CSRP1: variants seen among roughly 807,000 people sequenced by gnomAD.
CSRP1 encodes the protein cysteine and glycine-rich protein 1.
Under a neutral mutation model 25.4 loss-of-function variants are expected in CSRP1, and 16 were observed. The ratio of observed to expected loss-of-function variants is 0.63; its 90% confidence interval spans 0.43 to 0.96. The LOEUF (loss-of-function observed/expected upper bound fraction) is 0.96. Among genes scored for constraint, CSRP1 ranks in the 40% least tolerant of loss-of-function variants. The pLI, the probability that CSRP1 is intolerant of heterozygous loss-of-function variation, is 0.00. For synonymous variants in CSRP1, 97 were observed against 95.3 expected, an observed-to-expected ratio of 1.02 and a Z score of -0.10; for missense variants, 212 against 243.6, an observed-to-expected ratio of 0.87 and a Z score of 0.86.
intron 2 of CSRP1, chr1:201,492,768 G>A (rs1387824271): frequency 6.6e-6 from 1 of 152,298 alleles, no homozygotes; most frequent in East Asian, 1.9e-4. Context: ...GGCCAGGCCA[G>A]AACCCAGCCC....
chr1:201,490,054 A>T, intron 3 of CSRP1, 122 bp downstream of exon 3: 1 of 1,004,206 alleles, frequency 1.0e-6, no homozygotes, highest in Non-Finnish European at 1.4e-6. Flanking sequence ...ACTGCCTTTT[A>T]AATAACTGGT....
intron 4 of CSRP1, chr1:201,487,622 G>A (rs1418290835): frequency 1.3e-5 from 2 of 152,174 alleles, no homozygotes; most frequent in African/African-American, 4.8e-5. Context: ...CTTAATCACC[G>A]TGCTAGGATC....
intron 4 of CSRP1, chr1:201,488,564 G>A (rs912146319): frequency 2.3e-5 from 5 of 219,104 alleles, no homozygotes; most frequent in East Asian, 2.0e-4. Flanking sequence ...GCCCATCCAC[G>A]TACCCTTACT....
chr1:201,500,654 C>T (rs573121924), intron 1 of CSRP1, among the ~76,000 whole-genome samples: 1 of 152,366 alleles, frequency 6.6e-6, no homozygotes, highest in Admixed American at 6.5e-5. Context: ...AGGTCCTGTC[C>T]CCCTCTGCCC....
At chr1:201,496,541 AT>A in intron 1 of CSRP1, 1 of 550,778 alleles carries the variant, frequency 1.8e-6, no homozygotes, top group Non-Finnish European at 3.3e-6. Context: ...CAGCTGCTGC[AT>A]TTTCAGCCCT....
chr1:201,485,693 G>C (rs1664113346), intron 4 of CSRP1: 1 of 353,450 alleles, frequency 2.8e-6, no homozygotes, highest in Non-Finnish European at 5.4e-6. Context: ...GGCTGGGCCA[G>C]ATGAGCCTTC....
intron 4 of CSRP1, 36 bp downstream of exon 4, chr1:201,488,819 T>TC (rs1664232617): frequency 1.9e-6 from 3 of 1,604,386 alleles, no homozygotes; most frequent in Non-Finnish European, 2.6e-6. Context: ...GGAAGATATC[T>TC]CCCCCCATCC....
chr1:201,488,824 C>T lies in CSRP1; in HGVS notation c.411+31G>A, dbSNP rs367915083. ...CCACATTTCAGGAAGATATCTCCCC[C>T]CATCCCTCTCATGCCCAGCAGCCAC... On this transcript the variant is annotated intron_variant, in intron 4 of 5. Transcript: ENST00000340006. 3.7e-6 allele frequency: 6 copies of T among 1,608,604 alleles called. No individual in the cohort carries two copies. The South Asian group carries it at 5.5e-5, about 15-fold the overall frequency.
chr1:201,485,558 A>AT, intron 4 of CSRP1, 182 bp from the exon 5 acceptor site: 5 of 591,020 alleles, frequency 8.5e-6, no homozygotes, highest in South Asian at 6.1e-5. Flanking sequence ...AAGGCCAGGG[A>AT]CCACACGCCA....
At position 201,484,523 on chromosome 1, in the gene CSRP1, G is replaced by A; in HGVS notation, c.*190C>T. 1 of 608,588 alleles carries A rather than the reference G, an allele frequency of 1.6e-6. No homozygotes were observed. Among genetic ancestry groups the A allele is most frequent in the Non-Finnish European group, 2.9e-6 (1 of 339,918 alleles). 37.7% of individuals were successfully genotyped at this position (608,588 alleles called of 1,614,324 possible). A position where few individuals can be genotyped will look rare whatever the true frequency, so the allele number is the denominator to read the frequency against. On this transcript the variant is annotated 3_prime_UTR_variant, in exon 6 of 6. Transcript: ENST00000340006. ...TGATGGTGTCAGATCCCAGGCCTGG[G>A]GAGCCCTTTAGTGGGGTGGGACCTC...
At chr1:201,505,784 G>A (rs1664808662) in intron 1 of CSRP1, among the ~76,000 whole-genome samples, 1 of 152,210 alleles carries the variant, frequency 6.6e-6, no homozygotes, top group Admixed American at 6.5e-5. Context: ...AAACCAGCTG[G>A]AGAGTCAGGA....
rs1664642504 is a variant in CSRP1 at position 201,500,615 on chromosome 1, G to A, written c.-1-4311C>T. ...AAAGTGATGACTCTATCCCTAGCCA[G>A]GAAGGGTTTCAGGCAGTGCCTGTGG... On this transcript the variant is annotated intron_variant, in intron 1 of 5. Coordinates refer to ENST00000340006, the MANE Select transcript of CSRP1 (RefSeq NM_004078.3). 2.0e-5 allele frequency among the ~76,000 whole-genome samples: 3 copies of A among 152,270 alleles called. No individual in the cohort carries two copies. In the South Asian group the frequency reaches 6.2e-4, roughly 31 times the overall value.
chr1:201,502,655 C>A (rs1001183808), intron 1 of CSRP1, among the ~76,000 whole-genome samples: 1 of 152,182 alleles, frequency 6.6e-6, no homozygotes, highest in Non-Finnish European at 1.5e-5. Context: ...AATCCAGGCC[C>A]CATGGGCCTC....
intron 1 of CSRP1, among the ~76,000 whole-genome samples, chr1:201,506,467 A>G (rs540593776): frequency 1.3e-5 from 2 of 152,372 alleles, no homozygotes; most frequent in Admixed American, 6.5e-5. Context: ...AATGTGCTCA[A>G]TACCAGCCCC....
chr1:201,503,425 G>A lies in CSRP1; in HGVS notation c.-2+3645C>T, dbSNP rs374646670. On this transcript the variant is annotated intron_variant, in intron 1 of 5. Transcript: ENST00000340006. Reference sequence around the variant, plus strand: ...CAGGTCGTTTGCAGCTGACATCCCAGGAAGCACCAACACACGCCACCCCTG... The same window carrying A: ...CAGGTCGTTTGCAGCTGACATCCCAAGAAGCACCAACACACGCCACCCCTG... Among the ~76,000 whole-genome samples the A allele has an allele frequency of 2.1e-4, 32 of 152,272 alleles. No homozygotes were observed. The South Asian group carries it at 6.2e-3, about 30-fold the overall frequency.
At chr1:201,485,244 TG>T in intron 5 of CSRP1, 38 bp downstream of exon 5, 1 of 1,589,226 alleles carries the variant, frequency 6.3e-7, no homozygotes, top group Non-Finnish European at 8.6e-7. Flanking sequence ...CCTACCCCCT[TG>T]GGCCTCCTGA....
At chr1:201,502,998 T>C (rs896096661) in intron 1 of CSRP1, among the ~76,000 whole-genome samples, 1 of 146,680 alleles carries the variant, frequency 6.8e-6, no homozygotes, top group East Asian at 2.0e-4. Context: ...AAAAAAAAAT[T>C]AGCTGAGTGT....
rs375062505 is a variant in CSRP1 at position 201,484,801 on chromosome 1, G to A, written c.506-12C>T. ...TTTAGCATAACATCCTGCAGAGAGA[G>A]GAGAGAGATAAGGGCATGTTCTTCC... is the stretch of plus-strand genomic sequence containing the variant. On this transcript the variant is annotated splice_polypyrimidine_tract_variant and intron_variant, in intron 5 of 5. Transcript: ENST00000340006. The A allele has an allele frequency of 4.4e-6, 7 of 1,609,136 alleles. No homozygotes were observed. The African/African-American group carries it at 9.4e-5, about 22-fold the overall frequency.
chr1:201,484,680 G>A lies in CSRP1; in HGVS notation c.*33C>T, dbSNP rs760757632. On this transcript the variant is annotated 3_prime_UTR_variant, in exon 6 of 6. Coordinates refer to ENST00000340006, the MANE Select transcript of CSRP1 (RefSeq NM_004078.3). Reference sequence around the variant, plus strand: ...GAATGGAATGGCGATGAAAAGCGCAGGAGTGGGCAGGGTGTGGTGGGTGAT... The same window carrying A: ...GAATGGAATGGCGATGAAAAGCGCAAGAGTGGGCAGGGTGTGGTGGGTGAT... 66 of 1,585,512 alleles carry A rather than the reference G, an allele frequency of 4.2e-5. No homozygotes were observed. The East Asian group carries it at 1.4e-3, about 35-fold the overall frequency.
Sources: gnomAD v4.1 joint callset for allele counts (sites outside exome capture counted in the v4.1 genomes callset) on GRCh38, gnomAD v4.1.1 for gene constraint, MANE v1.5 for transcripts, NCBI Gene and HGNC (gene_info 2026-07-23, HGNC 2026-07-21) for gene names.